SACM1L: variants seen among roughly 807,000 people sequenced by gnomAD.
SACM1L encodes the protein phosphatidylinositol-3-phosphatase SAC1.
Under a neutral mutation model 89.5 loss-of-function variants are expected in SACM1L, and 32 were observed. The observed-to-expected ratio is 0.36, with a 90% CI of 0.27 to 0.48. The LOEUF is 0.48. SACM1L is among the 20% of genes least tolerant of loss of function. The pLI, the probability that SACM1L is intolerant of heterozygous loss-of-function variation, is 0.99. For missense variants in SACM1L, 543 were observed against 708.5 expected (o/e 0.77, Z 2.65); for synonymous variants, 213 against 232.8 (o/e 0.92, Z 0.77).
chr3:45,721,518 G>A (rs541749933), intron 8 of SACM1L, among the ~76,000 whole-genome samples: 17 of 152,268 alleles, frequency 1.1e-4, no homozygotes, highest in Non-Finnish European at 2.2e-4. Context: ...GCGAAACTCC[G>A]TCTCAAAAAA....
Position 45,689,415 on chromosome 3 carries a change from C to T in SACM1L, c.-51C>T, listed in dbSNP as rs748572726. 1.3e-6 allele frequency: 2 copies of T among 1,555,942 alleles called. No homozygotes were observed. Among genetic ancestry groups the T allele is most frequent in the Non-Finnish European group, 1.7e-6 (2 of 1,150,112 alleles). On this transcript the variant is annotated 5_prime_UTR_variant, in exon 1 of 20. Coordinates refer to ENST00000389061, the MANE Select transcript of SACM1L (RefSeq NM_014016.5). The stretch of plus-strand genomic sequence containing the variant: ...ACCGGTAGAGTTGTAGCCGAGGTGG[C>T]GGCGCGGGGCGGGGCGGGCGGAGAG...
intron 3 of SACM1L, among the ~76,000 whole-genome samples, chr3:45,706,333 C>G (rs566135577): frequency 6.6e-6 from 1 of 152,270 alleles, no homozygotes; most frequent in South Asian, 2.1e-4. Context: ...GCACATTTCT[C>G]TACCATTTAG....
At position 45,709,599 on chromosome 3, in the gene SACM1L, G is replaced by A. The variant is rs1217394016; in HGVS notation, c.435G>A (p.Arg145=). ...ATGATTTGACCCATACTTTGCAGCG[G>A]CTATCCAACACTAGTCCTGAATTCC... is the stretch of plus-strand genomic sequence containing the variant. ...TTYDLTHTLQ[R]LSNTSPEFQE... is the part of the protein sequence containing the mutation. The change falls in exon 5 of 20, where the codon CGG becomes CGA. Residue 145 remains arginine, a synonymous_variant. Transcript: ENST00000389061. 2.3e-5 allele frequency: 37 copies of A among 1,613,852 alleles called. No homozygotes were observed. The highest frequency in any genetic ancestry group is 3.1e-5 in the Non-Finnish European group (36 of 1,179,848).
chr3:45,725,101 T>C (rs1698887528), intron 11 of SACM1L, among the ~76,000 whole-genome samples: 1 of 152,220 alleles, frequency 6.6e-6, no homozygotes, highest in Admixed American at 6.5e-5. Flanking sequence ...GTGTAATAAG[T>C]TTTAAAATCG....
At chr3:45,733,143 G>A (rs1334333728) in intron 13 of SACM1L, among the ~76,000 whole-genome samples, 1 of 152,188 alleles carries the variant, frequency 6.6e-6, no homozygotes, top group Non-Finnish European at 1.5e-5. Context: ...GTACAAGAGT[G>A]TAAGAAAGAA....
At position 45,713,206 on chromosome 3, in the gene SACM1L, A is replaced by G. The variant is rs376744465; in HGVS notation, c.543+10A>G. The stretch of plus-strand genomic sequence containing the variant: ...TTCTGCACAGCCAGAGGTAATGTAC[A>G]CGAAATAAAATCTGCTTAATTGTTA... On this transcript the variant is annotated intron_variant, in intron 6 of 19. Transcript: ENST00000389061. The G allele has an allele frequency of 1.9e-6, 3 of 1,604,976 alleles. No homozygotes were observed. Among genetic ancestry groups the G allele is most frequent in the Non-Finnish European group, 2.6e-6 (3 of 1,175,390 alleles).
At chr3:45,716,698 T>G (rs1698671520) in intron 7 of SACM1L, among the ~76,000 whole-genome samples, 1 of 151,946 alleles carries the variant, frequency 6.6e-6, no homozygotes, top group African/African-American at 2.4e-5. Context: ...AGTGTCATAA[T>G]GGGCCATGAG....
At position 45,703,449 on chromosome 3, in the gene SACM1L, C is replaced by G. The variant is rs754189139; in HGVS notation, c.44C>G (p.Pro15Arg). Residue 15 changes from proline (P) to arginine (R), a missense_variant, in exon 2 of 20, where the codon CCT becomes CGT. By Grantham distance (103) the Pro-to-Arg change is moderately radical (BLOSUM62 -2). Around this residue, in one of 2 missense-constraint regions of SACM1L, gnomAD observed 173 missense variants for 180.9 expected, o/e 0.96. Coordinates refer to ENST00000389061, the MANE Select transcript of SACM1L (RefSeq NM_014016.5). ...AYEQLKLHIT[P>R]EKFYVEACDD... ...ACATTTCTTCTTAGGCATATCACAC[C>G]TGAAAAATTTTATGTGGAAGCTTGT... 2 of 1,611,590 alleles carry G rather than the reference C, an allele frequency of 1.2e-6. No homozygotes were observed. Among genetic ancestry groups the G allele is most frequent in the Admixed American group, 3.3e-5 (2 of 59,976 alleles).
At chr3:45,692,836 A>G (rs1380392961) in intron 1 of SACM1L, among the ~76,000 whole-genome samples, 1 of 152,234 alleles carries the variant, frequency 6.6e-6, no homozygotes, top group Non-Finnish European at 1.5e-5. Flanking sequence ...AGAGGATGGA[A>G]AGCTAGAATG....
chr3:45,739,803 A>G, intron 19 of SACM1L, 159 bp downstream of exon 19: 1 of 692,346 alleles, frequency 1.4e-6, no homozygotes, highest in Non-Finnish European at 2.5e-6. Context: ...GACAGGAAGA[A>G]AAATAACATA....
At chr3:45,693,987 G>T (rs941578102) in intron 1 of SACM1L, among the ~76,000 whole-genome samples, 1 of 152,120 alleles carries the variant, frequency 6.6e-6, no homozygotes, top group Non-Finnish European at 1.5e-5. Context: ...ATCTATCCCT[G>T]TATATAAGCT....
chr3:45,717,114 C>A (rs949698192), intron 7 of SACM1L, among the ~76,000 whole-genome samples: 1 of 152,184 alleles, frequency 6.6e-6, no homozygotes, highest in African/African-American at 2.4e-5. Flanking sequence ...GAATTGGGAG[C>A]TCAAGAGGAG....
chr3:45,723,985 T>C (rs200098187), intron 11 of SACM1L, among the ~76,000 whole-genome samples: 29 of 128,646 alleles, frequency 2.3e-4, no homozygotes, highest in South Asian at 9.7e-4. Flanking sequence ...CACACACACA[T>C]ATACATGCAT....
intron 2 of SACM1L, 97 bp downstream of exon 2, chr3:45,703,632 A>T (rs1378010291): frequency 2.8e-6 from 2 of 724,372 alleles, no homozygotes; most frequent in Admixed American, 5.0e-5. Context: ...CAGTGTGTGG[A>T]TCTCTGAGTG....
intron 1 of SACM1L, among the ~76,000 whole-genome samples, chr3:45,702,216 C>A (rs540849457): frequency 1.3e-5 from 2 of 152,224 alleles, no homozygotes; most frequent in Admixed American, 6.5e-5. Flanking sequence ...AGAGAACTTG[C>A]AGTAAAAAAG....
intron 10 of SACM1L, 77 bp from the exon 11 acceptor site, chr3:45,723,398 A>T (rs1698834359): frequency 1.9e-6 from 1 of 538,612 alleles, no homozygotes; most frequent in South Asian, 6.8e-5. Context: ...GTCCTTTAAA[A>T]ATATTATAAA....
chr3:45,741,569 T>C (rs1427751427), intron 19 of SACM1L, among the ~76,000 whole-genome samples: 1 of 152,206 alleles, frequency 6.6e-6, no homozygotes, highest in Non-Finnish European at 1.5e-5. Context: ...CCACCACCAC[T>C]AATTCTGTCA....
chr3:45,696,847 A>C (rs1351681892), intron 1 of SACM1L, among the ~76,000 whole-genome samples: 3 of 152,366 alleles, frequency 2.0e-5, no homozygotes, highest in South Asian at 4.1e-4. Context: ...ACACTGAAAG[A>C]AAATAAAAAT....
At position 45,691,705 on chromosome 3, in the gene SACM1L, C is replaced by T. The variant is rs538660172; in HGVS notation, c.32+2208C>T. On this transcript the variant is annotated intron_variant, in intron 1 of 19. Coordinates refer to ENST00000389061, the MANE Select transcript of SACM1L (RefSeq NM_014016.5). Reference sequence around the variant, plus strand: ...TCATAGCTCACTGCAGCCTCTAACTCCTAGTCTCAAGCGAGCCTCCCACCT... The same window carrying T: ...TCATAGCTCACTGCAGCCTCTAACTTCTAGTCTCAAGCGAGCCTCCCACCT... 3.3e-5 allele frequency among the ~76,000 whole-genome samples: 5 copies of T among 152,102 alleles called. No individual in the cohort carries two copies. The South Asian group carries it at 8.3e-4, about 25-fold the overall frequency.
Sources: gnomAD v4.1 joint callset for allele counts (sites outside exome capture counted in the v4.1 genomes callset) on GRCh38, gnomAD v4.1.1 for gene constraint, gnomAD v4.1.1 regional missense constraint, MANE v1.5 for transcripts, NCBI Gene and HGNC (gene_info 2026-07-23, HGNC 2026-07-21) for gene names.